ZSWIM6: variants seen among roughly 807,000 people sequenced by gnomAD.
ZSWIM6 encodes the protein zinc finger SWIM-type containing 6.
Under a neutral mutation model 113.2 loss-of-function variants are expected in ZSWIM6, and 9 were observed. The observed-to-expected ratio is 0.08, with a 90% CI of 0.05 to 0.14. ZSWIM6 has a LOEUF of 0.14. Among genes scored for constraint, ZSWIM6 ranks in the 10% least tolerant of loss-of-function variants. The pLI is 1.00. For missense variants in ZSWIM6, 1,162 were observed against 1,552.2 expected, an observed-to-expected ratio of 0.75 and a Z score of 4.22; for synonymous variants, 611 against 606.5, an observed-to-expected ratio of 1.01 and a Z score of -0.11.
intron 1 of ZSWIM6, among the ~76,000 whole-genome samples, chr5:61,412,093 A>G (rs963633305): frequency 1.4e-4 from 21 of 152,246 alleles, no homozygotes; most frequent in African/African-American, 4.8e-4. Context: ...TGGTAAATCT[A>G]CAGTTTCTAT....
At chr5:61,390,564 T>C (rs1745686024) in intron 1 of ZSWIM6, 3 of 530,996 alleles carry the variant, frequency 5.6e-6, no homozygotes, top group Non-Finnish European at 6.9e-6. Context: ...GTTAAAACTT[T>C]TGTGAATGAG....
intron 1 of ZSWIM6, among the ~76,000 whole-genome samples, chr5:61,444,468 T>C (rs1290530009): frequency 1.3e-5 from 2 of 152,186 alleles, no homozygotes; most frequent in Non-Finnish European, 2.9e-5. Context: ...TACCCAGTAA[T>C]GGGATTGCTG....
intron 8 of ZSWIM6, among the ~76,000 whole-genome samples, chr5:61,530,720 A>G (rs1215996176): frequency 1.3e-5 from 2 of 152,188 alleles, no homozygotes; most frequent in Non-Finnish European, 2.9e-5. Flanking sequence ...AAGAATCTTG[A>G]CTAAAAAGAC....
At chr5:61,435,825 G>C (rs1746693916) in intron 1 of ZSWIM6, among the ~76,000 whole-genome samples, 1 of 152,032 alleles carries the variant, frequency 6.6e-6, no homozygotes, top group Non-Finnish European at 1.5e-5. Context: ...GATTTAAGGT[G>C]GGATATCACC....
At chr5:61,369,160 C>T (rs1387643385) in intron 1 of ZSWIM6, among the ~76,000 whole-genome samples, 5 of 152,212 alleles carry the variant, frequency 3.3e-5, no homozygotes, top group Admixed American at 1.3e-4. Context: ...TTATAAGCTT[C>T]TTCCTACTAT....
intron 1 of ZSWIM6, among the ~76,000 whole-genome samples, chr5:61,432,822 T>G (rs1746615638): frequency 6.6e-6 from 1 of 152,134 alleles, no homozygotes; most frequent in Non-Finnish European, 1.5e-5. Context: ...CTAAAATAAA[T>G]GACCAGGAAT....
chr5:61,342,131 C>T (rs1190717616), intron 1 of ZSWIM6, among the ~76,000 whole-genome samples: 2 of 152,080 alleles, frequency 1.3e-5, no homozygotes, highest in African/African-American at 2.4e-5. Flanking sequence ...CCACCCACCT[C>T]GGCCTCCTAA....
intron 1 of ZSWIM6, among the ~76,000 whole-genome samples, chr5:61,357,830 C>G (rs565878978): frequency 4.5e-4 from 69 of 152,186 alleles, no homozygotes; most frequent in Admixed American, 7.9e-4. Context: ...TCACAAGTGT[C>G]TGTAAATTTG....
chr5:61,458,144 A>G (rs1216856419), intron 1 of ZSWIM6, among the ~76,000 whole-genome samples: 2 of 152,210 alleles, frequency 1.3e-5, no homozygotes, highest in South Asian at 2.1e-4. Context: ...AGATGCTTGG[A>G]TAAGTATTCT....
chr5:61,510,828 G>T (rs1211149204), intron 4 of ZSWIM6, among the ~76,000 whole-genome samples: 1 of 152,156 alleles, frequency 6.6e-6, no homozygotes, highest in African/African-American at 2.4e-5. Context: ...CTGACTAGGT[G>T]CCAGGTCCTC....
chr5:61,445,032 A>G (rs1220218838), intron 1 of ZSWIM6, among the ~76,000 whole-genome samples: 4 of 152,212 alleles, frequency 2.6e-5, no homozygotes, highest in Admixed American at 2.6e-4. Context: ...TCACAAATTA[A>G]AACACTGTGA....
At chr5:61,535,413 A>C in intron 9 of ZSWIM6, 71 bp from the exon 10 acceptor site, 1 of 1,504,756 alleles carries the variant, frequency 6.6e-7, no homozygotes, top group Non-Finnish European at 9.0e-7. Context: ...GTGACATTTT[A>C]ACAATATGCT....
chr5:61,435,992 G>A (rs1218619045), intron 1 of ZSWIM6, among the ~76,000 whole-genome samples: 1 of 151,950 alleles, frequency 6.6e-6, no homozygotes, highest in Non-Finnish European at 1.5e-5. Context: ...ACCTGAAGTC[G>A]GGAGTTCAAG....
At chr5:61,409,921 T>C (rs1357932033) in intron 1 of ZSWIM6, among the ~76,000 whole-genome samples, 3 of 152,220 alleles carry the variant, frequency 2.0e-5, no homozygotes, top group African/African-American at 7.2e-5. Flanking sequence ...TGATAGTTAA[T>C]TTAATTGATT....
At chr5:61,490,362 T>C (rs551831105) in intron 2 of ZSWIM6, among the ~76,000 whole-genome samples, 3 of 152,240 alleles carry the variant, frequency 2.0e-5, no homozygotes, top group South Asian at 2.1e-4. Flanking sequence ...TGAAAACTTA[T>C]TGAATTAACA....
At chr5:61,485,435 G>A (rs528573243) in intron 2 of ZSWIM6, among the ~76,000 whole-genome samples, 10 of 152,156 alleles carry the variant, frequency 6.6e-5, no homozygotes, top group South Asian at 4.2e-4. Context: ...TGTCTCAAGG[G>A]TATGTCAAAT....
rs541734117 is a variant in ZSWIM6 at position 61,479,833 on chromosome 5, T to C, written c.1033+6796T>C. Among the ~76,000 whole-genome samples the C allele has an allele frequency of 2.0e-5, 3 of 152,286 alleles. No homozygotes were observed. In the South Asian group the frequency reaches 6.2e-4, roughly 32 times the overall value. On this transcript the variant is annotated intron_variant, in intron 2 of 13. Transcript: ENST00000252744. ...GTCAAGGAGTAAAAGTGAGCTGCTATTACCATCATCATTGTGATGTGGCAG... is the reference window on the plus strand; with the variant it reads ...GTCAAGGAGTAAAAGTGAGCTGCTACTACCATCATCATTGTGATGTGGCAG...
At chr5:61,397,314 T>C (rs1272790830) in intron 1 of ZSWIM6, among the ~76,000 whole-genome samples, 1 of 152,268 alleles carries the variant, frequency 6.6e-6, no homozygotes, top group Non-Finnish European at 1.5e-5. Flanking sequence ...TTAAATACAT[T>C]GGATTTACCA....
Position 61,472,878 on chromosome 5 carries a change from C to T in ZSWIM6, c.874C>T (p.His292Tyr). 1 of 1,551,714 alleles carries T rather than the reference C, an allele frequency of 6.4e-7. No individual in the cohort carries two copies. Among genetic ancestry groups the T allele is most frequent in the Non-Finnish European group, 8.7e-7 (1 of 1,146,958 alleles). ...CCGCAAGCCAGATCAGGTCAAACTG[C>T]ATCTTCCTATTTCAGAGACTCTCTT... Reference protein sequence around the residue: ...RIRKPDQVKLHLPISETLFQM... With the variant: ...RIRKPDQVKLYLPISETLFQM... The change falls in exon 2 of 14, where the codon CAT becomes TAT. Residue 292 changes from histidine (H) to tyrosine (Y), a missense_variant. Physicochemically the swap from His to Tyr is moderately conservative, Grantham distance 83 (BLOSUM62 2). Around this residue, in one of 4 missense-constraint regions of ZSWIM6, gnomAD observed 96 missense variants for 240.3 expected, o/e 0.40. Coordinates refer to ENST00000252744, the MANE Select transcript of ZSWIM6 (RefSeq NM_020928.2). This position sits in a 1 kb window ranked among gnomAD's most constrained non-coding sequence, Gnocchi z 4.1.
Sources: allele counts gnomAD v4.1 joint callset (sites outside exome capture counted in the v4.1 genomes callset), GRCh38; gene constraint gnomAD v4.1.1; regional missense constraint gnomAD v4.1.1; non-coding constraint Gnocchi (gnomAD v3.1); transcripts MANE v1.5; gene names NCBI Gene and HGNC (gene_info 2026-07-23, HGNC 2026-07-21).